Variants in HSDL1 observed in about 807,000 individuals in gnomAD.
HSDL1 encodes inactive hydroxysteroid dehydrogenase-like protein 1.
In HSDL1, 29 loss-of-function variants were observed where a neutral mutation model predicts 31.5. The observed-to-expected ratio is 0.92, with a 90% CI of 0.69 to 1.26. The LOEUF (loss-of-function observed/expected upper bound fraction) is 1.26. Ranked by LOEUF, HSDL1 falls within the 50% of genes most tolerant of loss-of-function variation. HSDL1 has a pLI of 0.00. For missense variants in HSDL1, 503 were observed against 416.6 expected (o/e 1.21, Z -1.81); for synonymous variants, 222 against 155.2 (o/e 1.43, Z -3.20).
chr16:84,128,225 G>A (rs1226494161), intron 5 of HSDL1, among the ~76,000 whole-genome samples: 2 of 151,472 alleles, frequency 1.3e-5, no homozygotes, highest in African/African-American at 4.8e-5. Flanking sequence ...AGAGGTGGAG[G>A]TTGCAGTGAG....
intron 3 of HSDL1, 63 bp downstream of exon 3, chr16:84,131,039 T>A (rs1215226795): frequency 1.6e-6 from 2 of 1,286,372 alleles, no homozygotes; most frequent in African/African-American, 3.0e-5. Context: ...TTAAATTCAA[T>A]AGCTCCTTGA....
chr16:84,125,718 C>G (rs1244113101), intron 5 of HSDL1, among the ~76,000 whole-genome samples: 4 of 152,200 alleles, frequency 2.6e-5, no homozygotes, highest in Non-Finnish European at 4.4e-5. Context: ...ACCCACCTAC[C>G]CGACTTTCTG....
intron 2 of HSDL1, among the ~76,000 whole-genome samples, chr16:84,132,659 G>A (rs2086679440): frequency 6.6e-6 from 1 of 152,172 alleles, no homozygotes; most frequent in South Asian, 2.1e-4. Context: ...ACAAAATAAT[G>A]TAAAATGCCA....
rs1439909628 is a variant in HSDL1 at position 84,129,790 on chromosome 16, G to A, written c.667-15C>T. 6.3e-7 allele frequency: 1 copy of A among 1,584,300 alleles called. No individual in the cohort carries two copies. Among genetic ancestry groups the A allele is most frequent in the Admixed American group, 1.7e-5 (1 of 57,852 alleles). On this transcript the variant is annotated splice_polypyrimidine_tract_variant and intron_variant, in intron 4 of 5. Transcript: ENST00000219439. ...TCTAAATAAGCCTGTTGAGACAGAG[G>A]GGAGGAAAAGACTTTTAATTCTGGG...
chr16:84,127,498 G>A (rs553384102), intron 5 of HSDL1, among the ~76,000 whole-genome samples: 1 of 151,960 alleles, frequency 6.6e-6, no homozygotes, highest in African/African-American at 2.4e-5. Context: ...TTAGAGATGT[G>A]AGCCACCACC....
intron 1 of HSDL1, chr16:84,144,145 C>T (rs1348999702): frequency 1.3e-5 from 2 of 150,920 alleles, no homozygotes; most frequent in African/African-American, 4.9e-5. Flanking sequence ...AAAGACTCTG[C>T]TAAGTGCTTT....
chr16:84,123,758 G>A lies in HSDL1; in HGVS notation c.*872C>T, dbSNP rs1222500073. On this transcript the variant is annotated 3_prime_UTR_variant, in exon 6 of 6. Coordinates refer to ENST00000219439, the MANE Select transcript of HSDL1 (RefSeq NM_031463.5). ...AATTTCAGTTATAAAATGGGTCAGAGGCTGAGAAATCACTATTTATCCACA... is the reference window on the plus strand; with the variant it reads ...AATTTCAGTTATAAAATGGGTCAGAAGCTGAGAAATCACTATTTATCCACA... The A allele has an allele frequency of 6.6e-6, 1 of 152,498 alleles. No homozygotes were observed. The highest frequency in any genetic ancestry group is 1.5e-5 in the Non-Finnish European group (1 of 68,036). 9.4% of individuals were successfully genotyped at this position (152,498 alleles called of 1,614,324 possible).
Position 84,130,103 on chromosome 16 carries a change from C to G in HSDL1, c.549G>C (p.Leu183Phe). 6.2e-7 allele frequency: 1 copy of G among 1,614,162 alleles called. No individual in the cohort carries two copies. The highest frequency in any genetic ancestry group is 1.1e-5 in the South Asian group (1 of 91,086). The part of the protein sequence containing the change: ...IINVNIAAAS[L>F]MVHVVLPGMV... The stretch of plus-strand genomic sequence containing the variant: ...TTCCCGGTAACACAACATGGACCAT[C>G]AAACTAGCGGCGGCAATGTTCACAT... The change falls in exon 4 of 6, where the codon TTG (leucine) becomes TTC (phenylalanine). Residue 183 changes from leucine (L) to phenylalanine (F), a missense_variant. Coordinates refer to ENST00000219439, the MANE Select transcript of HSDL1 (RefSeq NM_031463.5).
At position 84,124,071 on chromosome 16, in the gene HSDL1, G is replaced by T. The variant is rs967863606; in HGVS notation, c.*559C>A. 1 of 152,738 alleles carries T rather than the reference G, an allele frequency of 6.5e-6. No homozygotes were observed. Among genetic ancestry groups the T allele is most frequent in the Admixed American group, 6.5e-5 (1 of 15,378 alleles). 9.5% of individuals were successfully genotyped at this position (152,738 alleles called of 1,614,324 possible). A position where few individuals can be genotyped will look rare whatever the true frequency, so the allele number is the denominator to read the frequency against. On this transcript the variant is annotated 3_prime_UTR_variant, in exon 6 of 6. Transcript: ENST00000219439. ...AGTTGCTCAAAGGCACCACACACAC[G>T]CACACACACGGTTCTCTAATGAAAT...
intron 5 of HSDL1, among the ~76,000 whole-genome samples, chr16:84,127,825 T>C (rs2086624155): frequency 2.7e-5 from 4 of 148,960 alleles, no homozygotes; most frequent in Middle Eastern, 7.0e-3. Flanking sequence ...TTCACGCCAT[T>C]CTCCTGCCTC....
At chr16:84,138,815 A>G (rs2086737376) in intron 1 of HSDL1, among the ~76,000 whole-genome samples, 1 of 152,200 alleles carries the variant, frequency 6.6e-6, no homozygotes, top group Non-Finnish European at 1.5e-5. Context: ...GAAACGTTAC[A>G]ACTACAAAAG....
chr16:84,129,909 C>G, intron 4 of HSDL1, 77 bp downstream of exon 4: 1 of 1,501,164 alleles, frequency 6.7e-7, no homozygotes, highest in Middle Eastern at 1.8e-4. Flanking sequence ...ACAAAGAGTT[C>G]AACAAATCAG....
chr16:84,134,647 C>G (rs1031901740), intron 2 of HSDL1, among the ~76,000 whole-genome samples: 6 of 151,908 alleles, frequency 3.9e-5, no homozygotes, highest in Admixed American at 3.9e-4. Flanking sequence ...AAAAAACAAC[C>G]GAGATTCTAT....
At position 84,126,010 on chromosome 16, in the gene HSDL1, G is replaced by A. The variant is rs148180960; in HGVS notation, c.895-1282C>T. Among the ~76,000 whole-genome samples the A allele has an allele frequency of 2.9e-3, 448 of 151,966 alleles. 1 individual carries two copies. The highest frequency in any genetic ancestry group is 9.9e-3 in the African/African-American group (409 of 41,442). ...CCCAGCTACTCAGGAGGCAGAGGCA[G>A]GAAAATGGTGTGAACCGGGGAGGCG... On this transcript the variant is annotated intron_variant, in intron 5 of 5. Transcript: ENST00000219439.
At chr16:84,130,512 G>T in intron 3 of HSDL1, 81 bp from the exon 4 acceptor site, 1 of 1,187,520 alleles carries the variant, frequency 8.4e-7, no homozygotes, top group African/African-American at 1.5e-5. Flanking sequence ...CCCCTGTCAG[G>T]TTTAGTCAGA....
In HSDL1 at chr16:84,124,597, A is replaced by G; in HGVS notation, c.*33T>C. The stretch of plus-strand genomic sequence containing the variant: ...ATGTCAGAATATCGAGGTTCCCAGG[A>G]GTTGGCAAAACTTCTCAAGTGGCCA... On this transcript the variant is annotated 3_prime_UTR_variant, in exon 6 of 6. Coordinates refer to ENST00000219439, the MANE Select transcript of HSDL1 (RefSeq NM_031463.5). 7.5e-7 allele frequency: 1 copy of G among 1,329,492 alleles called. No homozygotes were observed. Among genetic ancestry groups the G allele is most frequent in the East Asian group, 2.3e-5 (1 of 43,510 alleles). 82.4% of individuals were successfully genotyped at this position (1,329,492 alleles called of 1,614,324 possible). A position where few individuals can be genotyped will look rare whatever the true frequency, so the allele number is the denominator to read the frequency against.
Position 84,130,176 on chromosome 16 carries a change from G to C in HSDL1, c.476C>G (p.Pro159Arg), listed in dbSNP as rs766990002. 6.2e-7 allele frequency: 1 copy of C among 1,614,060 alleles called. No individual in the cohort carries two copies. The highest frequency in any genetic ancestry group is 8.5e-7 in the Non-Finnish European group (1 of 1,180,046). Reference protein sequence around the residue: ...VNNVGVFYPYPQYFTQLSEDK... With the variant: ...VNNVGVFYPYRQYFTQLSEDK... Reference sequence around the variant, plus strand: ...CTCGGACAGCTGAGTGAAATACTGCGGGTAGGGATAAAACACACCCACGTT... The same window carrying C: ...CTCGGACAGCTGAGTGAAATACTGCCGGTAGGGATAAAACACACCCACGTT... The change falls in exon 4 of 6, where the codon CCG (proline) becomes CGG (arginine). Residue 159 changes from proline to arginine, a missense_variant. Pro to Arg is a moderately radical substitution (Grantham distance 103, BLOSUM62 -2). Coordinates refer to ENST00000219439, the MANE Select transcript of HSDL1 (RefSeq NM_031463.5).
rs1466946292 is a variant in HSDL1, at chr16:84,123,712, A to G, written c.*918T>C. ...ATAGAAAAACGTAGGAAAACCAGAT[A>G]TAACAAGCTCTAAAGGGCTAAATTT... is the stretch of plus-strand genomic sequence containing the variant. On this transcript the variant is annotated 3_prime_UTR_variant, in exon 6 of 6. Coordinates refer to ENST00000219439, the MANE Select transcript of HSDL1 (RefSeq NM_031463.5). 1 of 152,644 alleles carries G rather than the reference A, an allele frequency of 6.6e-6. No homozygotes were observed. Among genetic ancestry groups the G allele is most frequent in the Non-Finnish European group, 1.5e-5 (1 of 68,042 alleles). The allele number at this position is 152,644 out of a possible 1,614,324, so 9.5% of individuals were successfully genotyped here. A position where few individuals can be genotyped will look rare whatever the true frequency, so the allele number is the denominator to read the frequency against.
chr16:84,132,290 G>T (rs1274301436), intron 2 of HSDL1, among the ~76,000 whole-genome samples: 2 of 152,206 alleles, frequency 1.3e-5, no homozygotes, highest in African/African-American at 4.8e-5. Flanking sequence ...ATGAAACAGA[G>T]GTGGCACTAA....
Sources: gnomAD v4.1 joint callset for allele counts (sites outside exome capture counted in the v4.1 genomes callset) on GRCh38, gnomAD v4.1.1 for gene constraint, MANE v1.5 for transcripts, NCBI Gene and HGNC (gene_info 2026-07-23, HGNC 2026-07-21) for gene names.